ZNF563: variants seen among roughly 807,000 people sequenced by gnomAD.
ZNF563 encodes the protein zinc finger protein 563.
ZNF563 carries 39 observed loss-of-function variants against 48.5 expected under a neutral mutation model. The ratio of observed to expected loss-of-function variants is 0.80; its 90% confidence interval spans 0.62 to 1.05. The LOEUF (loss-of-function observed/expected upper bound fraction) is 1.05. Among genes scored for constraint, ZNF563 ranks in the 50% least tolerant of loss-of-function variants. The pLI is 0.00. For synonymous variants in ZNF563, 168 were observed against 187.9 expected (o/e 0.89, Z 0.87); for missense variants, 538 against 597.0 (o/e 0.90, Z 1.03).
intron 1 of ZNF563, among the ~76,000 whole-genome samples, chr19:12,327,391 C>T (rs1001331080): frequency 2.0e-5 from 3 of 146,444 alleles, no homozygotes; most frequent in South Asian, 2.1e-4. Flanking sequence ...ACCCAGGAGA[C>T]GGAGATTGCA....
At chr19:12,328,868 C>CA (rs988395392) in intron 1 of ZNF563, among the ~76,000 whole-genome samples, 6 of 151,780 alleles carry the variant, frequency 4.0e-5, no homozygotes, top group African/African-American at 1.4e-4. Context: ...TGAAAAGTCT[C>CA]AAAAAAGTGG....
chr19:12,338,992 T>C, the ZNF563 span, among the ~76,000 whole-genome samples: 7 of 152,306 alleles, frequency 4.6e-5, no homozygotes, highest in South Asian at 2.1e-4. Context: ...GCTGGACTTC[T>C]CCCCACTACC....
the ZNF563 span, among the ~76,000 whole-genome samples, chr19:12,345,795 C>G: frequency 6.6e-6 from 1 of 151,934 alleles, no homozygotes; most frequent in African/African-American, 2.4e-5. Context: ...GCCTATAATC[C>G]CAGCTACTTG....
chr19:12,335,545 A>G (rs987372237), upstream of ZNF563, among the ~76,000 whole-genome samples: 4 of 152,236 alleles, frequency 2.6e-5, no homozygotes, highest in Non-Finnish European at 4.4e-5. Context: ...TTAAAAATAT[A>G]TAGCAAAAAC....
chr19:12,322,792 G>A (rs777049211), intron 1 of ZNF563, 81 bp from the exon 2 acceptor site: 99 of 1,375,988 alleles, frequency 7.2e-5, no homozygotes, highest in Non-Finnish European at 9.4e-5. Context: ...AACTTCATAT[G>A]ATGCTGTGCT....
intron 1 of ZNF563, among the ~76,000 whole-genome samples, chr19:12,328,691 C>T (rs1025705585): frequency 6.6e-6 from 1 of 151,992 alleles, no homozygotes; most frequent in Non-Finnish European, 1.5e-5. Flanking sequence ...ATCACTTGAA[C>T]CCAGGAGGTG....
intron 3 of ZNF563, among the ~76,000 whole-genome samples, chr19:12,320,523 C>T (rs575504717): frequency 3.8e-4 from 58 of 151,230 alleles, no homozygotes; most frequent in African/African-American, 1.3e-3. Flanking sequence ...TTTTTTGAGA[C>T]GGAGTCTTGC....
chr19:12,341,009 T>C, the ZNF563 span, among the ~76,000 whole-genome samples: 7 of 151,926 alleles, frequency 4.6e-5, no homozygotes, highest in African/African-American at 1.7e-4. Context: ...GAAATAAAGA[T>C]CTTAGTAAAA....
upstream of ZNF563, among the ~76,000 whole-genome samples, chr19:12,335,511 T>TAA: frequency 6.6e-6 from 1 of 152,178 alleles, no homozygotes. Flanking sequence ...TAAAATACAC[T>TAA]AACACTAACA....
At chr19:12,320,628 C>T (rs899217920) in intron 3 of ZNF563, among the ~76,000 whole-genome samples, 2 of 151,902 alleles carry the variant, frequency 1.3e-5, no homozygotes, top group Non-Finnish European at 2.9e-5. Context: ...GCCTCCCAAG[C>T]AGCTGGGGTT....
chr19:12,322,971 C>T (rs567800875), intron 1 of ZNF563, among the ~76,000 whole-genome samples: 1 of 152,136 alleles, frequency 6.6e-6, no homozygotes, highest in Non-Finnish European at 1.5e-5. Context: ...GCCTGCATCA[C>T]CCTAATGTCT....
chr19:12,318,589 T>G lies in ZNF563; in HGVS notation c.*5A>C. On this transcript the variant is annotated 3_prime_UTR_variant, in exon 4 of 4. Transcript: ENST00000293725. ...AAATATAGAAGGCTTTATAATAGTTTACATTCATATTGTTTCTCTCCAGTG... is the reference window on the plus strand; with the variant it reads ...AAATATAGAAGGCTTTATAATAGTTGACATTCATATTGTTTCTCTCCAGTG... 6.2e-7 allele frequency: 1 copy of G among 1,608,858 alleles called. No individual in the cohort carries two copies. The highest frequency in any genetic ancestry group is 1.7e-4 in the Middle Eastern group (1 of 6,018).
rs1968474707 is a variant in ZNF563 at position 12,317,870 on chromosome 19, C to G, written c.*724G>C. ...TGAAATGAAATAACATTAAAGAATA[C>G]TTCCCTACATTTCACACATTTATAG... On this transcript the variant is annotated 3_prime_UTR_variant, in exon 4 of 4. Coordinates refer to ENST00000293725, the MANE Select transcript of ZNF563 (RefSeq NM_145276.3). The G allele has an allele frequency of 5.8e-6, 1 of 171,196 alleles. No individual in the cohort carries two copies. The highest frequency in any genetic ancestry group is 1.4e-5 in the Non-Finnish European group (1 of 71,876). 10.6% of individuals were successfully genotyped at this position (171,196 alleles called of 1,614,324 possible).
At chr19:12,331,365 AC>A (rs1451932956) in intron 1 of ZNF563, among the ~76,000 whole-genome samples, 1 of 151,190 alleles carries the variant, frequency 6.6e-6, no homozygotes, top group Non-Finnish European at 1.5e-5. Flanking sequence ...ACTACTCCCT[AC>A]CCCCAACCAC....
At chr19:12,345,567 A>G in the ZNF563 span, among the ~76,000 whole-genome samples, 2 of 152,230 alleles carry the variant, frequency 1.3e-5, no homozygotes, top group Non-Finnish European at 2.9e-5. Flanking sequence ...TACATCATGT[A>G]TAAATAGTAA....
the ZNF563 span, among the ~76,000 whole-genome samples, chr19:12,340,481 CA>C: frequency 3.9e-5 from 6 of 151,912 alleles, no homozygotes; most frequent in Admixed American, 3.9e-4. Flanking sequence ...AACATAAAAA[CA>C]AAAACAGTCA....
chr19:12,345,603 T>G, the ZNF563 span, among the ~76,000 whole-genome samples: 1 of 152,166 alleles, frequency 6.6e-6, no homozygotes, highest in African/African-American at 2.4e-5. Flanking sequence ...AGACCTATAC[T>G]TAAAAGCTAA....
rs551404554 is a variant in ZNF563, at chr19:12,322,297, G to A, written c.130+288C>T. On this transcript the variant is annotated intron_variant, in intron 2 of 3. Transcript: ENST00000293725. ...TCTCGAACTCCTGACCTCATGATCC[G>A]CCCACCTTGGCCTCCCAACATGCTG... Among the ~76,000 whole-genome samples, 704 of 152,034 alleles carry A rather than the reference G, an allele frequency of 4.6e-3. 5 individuals are homozygous for A. The highest frequency in any genetic ancestry group is 8.2e-3 in the Non-Finnish European group (558 of 67,980).
At chr19:12,333,817 T>C (rs1475418910), upstream of ZNF563, 4 of 372,736 alleles carry the variant, frequency 1.1e-5, no homozygotes, top group African/African-American at 2.1e-5. Context: ...CAGTGCTGAG[T>C]CGAGCGGGAT....
Sources: allele counts gnomAD v4.1 joint callset (sites outside exome capture counted in the v4.1 genomes callset), GRCh38; gene constraint gnomAD v4.1.1; transcripts MANE v1.5; gene names NCBI Gene and HGNC (gene_info 2026-07-23, HGNC 2026-07-21).